Variants in ADAM19 observed in about 807,000 individuals in gnomAD.
The protein encoded by ADAM19 is ADAM metallopeptidase domain 19, also known as disintegrin and metalloproteinase domain-containing protein 19.
Under a neutral mutation model 114.7 loss-of-function variants are expected in ADAM19, and 65 were observed. The observed-to-expected ratio is 0.57, with a 90% CI of 0.46 to 0.70. The LOEUF (loss-of-function observed/expected upper bound fraction) is 0.70, where lower values mean the gene tolerates loss of function less well. Among genes scored for constraint, ADAM19 ranks in the 30% least tolerant of loss-of-function variants. The probability of loss-of-function intolerance (pLI) is 0.00; values close to 1 mark genes in which losing one functional copy is unlikely to be tolerated. For missense variants in ADAM19, 1,063 were observed against 1,204.7 expected, an observed-to-expected ratio of 0.88 and a Z score of 1.74; for synonymous variants, 466 against 460.5, an observed-to-expected ratio of 1.01 and a Z score of -0.15.
At chr5:157,505,831 G>A in intron 10 of ADAM19, 23 bp from the exon 11 acceptor site, 1 of 1,609,938 alleles carries the variant, frequency 6.2e-7, no homozygotes, top group Non-Finnish European at 8.5e-7. Context: ...CAGAGTTGAG[G>A]TCAAGGTCAA....
At chr5:157,502,029 C>T (rs1581305881) in intron 12 of ADAM19, among the ~76,000 whole-genome samples, 1 of 152,106 alleles carries the variant, frequency 6.6e-6, no homozygotes, top group Middle Eastern at 3.4e-3. Context: ...TGCACTCCAG[C>T]CTGGGCAACA....
chr5:157,520,084 TC>T, intron 5 of ADAM19, 53 bp from the exon 6 acceptor site: 1 of 1,547,886 alleles, frequency 6.5e-7, no homozygotes, highest in East Asian at 2.3e-5. Context: ...TCTGAAAAAG[TC>T]CCTTGTGTAG....
At chr5:157,511,579 T>C (rs1444905193) in intron 8 of ADAM19, among the ~76,000 whole-genome samples, 5 of 152,244 alleles carry the variant, frequency 3.3e-5, no homozygotes, top group African/African-American at 1.2e-4. Flanking sequence ...GTTCAATCGT[T>C]ACAGAAAATA....
At chr5:157,482,030 T>C in intron 21 of ADAM19, 87 bp from the exon 22 acceptor site, 3 of 1,107,412 alleles carry the variant, frequency 2.7e-6, no homozygotes. Flanking sequence ...TAAAATCAGA[T>C]AGATAAAAGT....
rs192546051 is a variant in ADAM19, at chr5:157,477,534, C to T, written c.*3415G>A. 99 of 1,168,570 alleles carry T rather than the reference C, an allele frequency of 8.5e-5. No homozygotes were observed. In the African/African-American group the frequency reaches 1.2e-3, roughly 14 times the overall value. The allele number at this position is 1,168,570 out of a possible 1,614,324, so 72.4% of individuals were successfully genotyped here. Reference sequence around the variant, plus strand: ...ACGCACAGTGGACGGTGTGAGAGGACGCGTTGGGGGTGACTTTGGAAATGT... The same window carrying T: ...ACGCACAGTGGACGGTGTGAGAGGATGCGTTGGGGGTGACTTTGGAAATGT... On this transcript the variant is annotated 3_prime_UTR_variant, in exon 23 of 23. Coordinates refer to ENST00000257527, the MANE Select transcript of ADAM19 (RefSeq NM_033274.5).
In ADAM19 at chr5:157,479,489, T is replaced by G; in HGVS notation, c.*1460A>C. 1 of 985,830 alleles carries G rather than the reference T, an allele frequency of 1.0e-6. No individual in the cohort carries two copies. The highest frequency in any genetic ancestry group is 1.2e-6 in the Non-Finnish European group (1 of 829,944). 61.1% of individuals were successfully genotyped at this position (985,830 alleles called of 1,614,324 possible). A position where few individuals can be genotyped will look rare whatever the true frequency, so the allele number is the denominator to read the frequency against. ...CCAGCACCTTTGTGGAGTGGGAGTC[T>G]ATCTCCCAGCAAACATCTCCAGGTG... On this transcript the variant is annotated 3_prime_UTR_variant, in exon 23 of 23. Coordinates refer to ENST00000257527, the MANE Select transcript of ADAM19 (RefSeq NM_033274.5).
intron 3 of ADAM19, among the ~76,000 whole-genome samples, chr5:157,555,310 C>T (rs188866397): frequency 6.6e-5 from 10 of 152,324 alleles, no homozygotes; most frequent in Admixed American, 6.5e-4. Flanking sequence ...GTTATACAGG[C>T]ATCTCCTACT....
At chr5:157,572,229 G>A (rs1234828259) in intron 1 of ADAM19, 5 of 452,414 alleles carry the variant, frequency 1.1e-5, no homozygotes, top group Non-Finnish European at 2.2e-5. Flanking sequence ...GGGACTACAG[G>A]CACCCGCCAC....
intron 14 of ADAM19, among the ~76,000 whole-genome samples, chr5:157,495,993 A>G (rs1172298278): frequency 8.6e-6 from 1 of 116,112 alleles, no homozygotes; most frequent in Non-Finnish European, 1.6e-5. Flanking sequence ...CTTGGGCTGG[A>G]GTCCTAGAGT....
At chr5:157,562,142 ACAC>A (rs1757526600) in intron 3 of ADAM19, among the ~76,000 whole-genome samples, 1 of 152,206 alleles carries the variant, frequency 6.6e-6, no homozygotes, top group Non-Finnish European at 1.5e-5. Flanking sequence ...GGAAATAAAC[ACAC>A]TAGGAAGTCG....
intron 21 of ADAM19, among the ~76,000 whole-genome samples, chr5:157,486,090 TG>T (rs1478282186): frequency 6.6e-6 from 1 of 151,588 alleles, no homozygotes; most frequent in Non-Finnish European, 1.5e-5. Flanking sequence ...AGCTAGGAGG[TG>T]GGGAATCTTT....
intron 14 of ADAM19, 72 bp downstream of exon 14, chr5:157,496,822 C>T (rs934677268): frequency 1.4e-6 from 2 of 1,405,408 alleles, no homozygotes. Context: ...TTCCAAACTA[C>T]CCTGAGGGCC....
At chr5:157,560,931 T>C (rs922611808) in intron 3 of ADAM19, among the ~76,000 whole-genome samples, 1 of 152,252 alleles carries the variant, frequency 6.6e-6, no homozygotes, top group Non-Finnish European at 1.5e-5. Context: ...GTCCTTCACC[T>C]GTACCATCTC....
At chr5:157,556,048 T>C (rs1047276835) in intron 3 of ADAM19, among the ~76,000 whole-genome samples, 4 of 152,180 alleles carry the variant, frequency 2.6e-5, no homozygotes, top group Non-Finnish European at 5.9e-5. Context: ...GTTGTTGTTG[T>C]TGCTGTTGTT....
At position 157,519,851 on chromosome 5, in the gene ADAM19, C is replaced by T; in HGVS notation, c.588G>A (p.Lys196=). 2 of 1,612,690 alleles carry T rather than the reference C, an allele frequency of 1.2e-6. No homozygotes were observed. Among genetic ancestry groups the T allele is most frequent in the Non-Finnish European group, 8.5e-7 (1 of 1,179,148 alleles). The stretch of plus-strand genomic sequence containing the variant: ...CCTCAAAACTCACCCTGCGAGGTCG[C>T]TTCTTGGTCTGTTGTGTAAACTGAA... The part of the protein sequence containing the change: ...WALQFTQQTK[K]RPRRMKREDL... The change falls in exon 6 of 23, where the codon AAG becomes AAA. Residue 196 remains lysine, a synonymous_variant. Transcript: ENST00000257527.
rs147632223 is a variant in ADAM19, at chr5:157,530,039, G to A, written c.407+768C>T. ...CCAAATGCCCAAACTCATCCATCCC[G>A]AGCATATTAACCATGTGTCTTCTTT... On this transcript the variant is annotated intron_variant, in intron 5 of 22. Transcript: ENST00000257527. 7.9e-4 allele frequency among the ~76,000 whole-genome samples: 120 copies of A among 152,232 alleles called. 1 individual carries two copies. The highest frequency in any genetic ancestry group is 2.7e-3 in the African/African-American group (114 of 41,544).
chr5:157,532,606 C>G (rs1756657113), intron 4 of ADAM19, among the ~76,000 whole-genome samples: 1 of 152,148 alleles, frequency 6.6e-6, no homozygotes, highest in African/African-American at 2.4e-5. Flanking sequence ...GAGCCAAGTT[C>G]TGGAAAGATC....
In ADAM19 at chr5:157,513,302, T is replaced by G. The variant is rs765527896; in HGVS notation, c.738+132A>C. On this transcript the variant is annotated intron_variant, in intron 8 of 22. Transcript: ENST00000257527. ...GTTCAGGGCTCTGTCATGACCGCCCTGGGCCTCTATGGCACTGCTCATTCC... is the reference window on the plus strand; with the variant it reads ...GTTCAGGGCTCTGTCATGACCGCCCGGGGCCTCTATGGCACTGCTCATTCC... 6 of 803,982 alleles carry G rather than the reference T, an allele frequency of 7.5e-6. No homozygotes were observed. The South Asian group carries it at 9.5e-5, about 13-fold the overall frequency. The allele number at this position is 803,982 out of a possible 1,614,324, so 49.8% of individuals were successfully genotyped here.
chr5:157,528,030 G>A (rs1756521774), intron 5 of ADAM19, among the ~76,000 whole-genome samples: 1 of 152,084 alleles, frequency 6.6e-6, no homozygotes, highest in Non-Finnish European at 1.5e-5. Flanking sequence ...TTCCAGGAAA[G>A]AAGAACAATC....
Sources: allele counts gnomAD v4.1 joint callset (sites outside exome capture counted in the v4.1 genomes callset), GRCh38; gene constraint gnomAD v4.1.1; transcripts MANE v1.5; gene names NCBI Gene and HGNC (gene_info 2026-07-23, HGNC 2026-07-21).